CLVS1: variants seen among roughly 807,000 people sequenced by gnomAD.
The protein encoded by CLVS1 is clavesin 1, also known as clavesin-1.
Under a neutral mutation model 33.1 loss-of-function variants are expected in CLVS1, and 10 were observed. The ratio of observed to expected loss-of-function variants is 0.30; its 90% CI spans 0.19 to 0.51. CLVS1 has a LOEUF of 0.51. CLVS1 is among the 20% of genes least tolerant of loss of function. The pLI is 0.97. For missense variants in CLVS1, 343 were observed against 433.4 expected (o/e 0.79, Z 1.85); for synonymous variants, 163 against 166.1 (o/e 0.98, Z 0.14).
At chr8:61,036,682 A>C in the CLVS1 span, among the ~76,000 whole-genome samples, 4 of 152,184 alleles carry the variant, frequency 2.6e-5, no homozygotes, top group African/African-American at 9.7e-5. Flanking sequence ...AGTTCTAGCT[A>C]TGTGCTTTTA....
chr8:61,176,314 G>A (rs903905776), intron 2 of CLVS1, among the ~76,000 whole-genome samples: 1 of 152,076 alleles, frequency 6.6e-6, no homozygotes, highest in African/African-American at 2.4e-5. Flanking sequence ...CATTCCACCT[G>A]AGGCTTTCAT....
At position 61,446,444 on chromosome 8, in the gene CLVS1, G is replaced by C. The variant is rs555424216; in HGVS notation, c.631-7697G>C. 2.0e-5 allele frequency among the ~76,000 whole-genome samples: 3 copies of C among 152,268 alleles called. No individual in the cohort carries two copies. The East Asian group carries it at 5.8e-4, about 29-fold the overall frequency. ...GCATGTATTTCTTACCATTATGGAG[G>C]CTGAGAAGTCCAAAGTTGAGAGGTT... On this transcript the variant is annotated intron_variant, in intron 3 of 5. Coordinates refer to ENST00000325897, the MANE Select transcript of CLVS1 (RefSeq NM_173519.3).
chr8:61,220,772 T>C (rs10245137), intron 2 of CLVS1, among the ~76,000 whole-genome samples: 6 of 152,200 alleles, frequency 3.9e-5, no homozygotes, highest in Non-Finnish European at 8.8e-5. Context: ...TTTCATGATA[T>C]TGATTCTTCC....
At chr8:61,124,705 T>C (rs1026624313) in intron 1 of CLVS1, among the ~76,000 whole-genome samples, 1 of 152,194 alleles carries the variant, frequency 6.6e-6, no homozygotes, top group Non-Finnish European at 1.5e-5. Flanking sequence ...ATCCATCCAC[T>C]CATTCCTTTA....
the CLVS1 span, among the ~76,000 whole-genome samples, chr8:60,981,624 G>C: frequency 6.6e-6 from 1 of 152,222 alleles, no homozygotes; most frequent in Non-Finnish European, 1.5e-5. Flanking sequence ...GGTGTTCCCT[G>C]GTGGCTAAGA....
the CLVS1 span, among the ~76,000 whole-genome samples, chr8:60,988,776 T>A: frequency 1.3e-5 from 2 of 152,222 alleles, no homozygotes; most frequent in African/African-American, 4.8e-5. Context: ...GCCTTAAAAC[T>A]TGCCATAAAT....
intron 1 of CLVS1, among the ~76,000 whole-genome samples, chr8:61,105,284 G>A (rs1488610558): frequency 6.6e-6 from 1 of 152,126 alleles, no homozygotes; most frequent in Non-Finnish European, 1.5e-5. Flanking sequence ...AAAACTATTG[G>A]TTATAGCTTA....
chr8:61,198,506 A>G (rs966257970), intron 2 of CLVS1, among the ~76,000 whole-genome samples: 1 of 152,246 alleles, frequency 6.6e-6, no homozygotes, highest in Middle Eastern at 3.4e-3. Context: ...CAGCCTTCCA[A>G]GTAGCTGGGA....
the CLVS1 span, among the ~76,000 whole-genome samples, chr8:61,027,770 G>A: frequency 6.6e-6 from 1 of 152,030 alleles, no homozygotes; most frequent in African/African-American, 2.4e-5. Context: ...ACAAACATCT[G>A]CATTATTTTT....
At chr8:61,055,566 A>G (rs996746826), upstream of CLVS1, among the ~76,000 whole-genome samples, 5 of 152,236 alleles carry the variant, frequency 3.3e-5, no homozygotes, top group Admixed American at 2.0e-4. Context: ...TAAATCACAT[A>G]AAGCAAATGT....
At chr8:61,160,514 GAGA>G (rs1343990634) in intron 2 of CLVS1, among the ~76,000 whole-genome samples, 7 of 152,208 alleles carry the variant, frequency 4.6e-5, no homozygotes, top group African/African-American at 1.4e-4. Flanking sequence ...GGAAAAAGGA[GAGA>G]AGACTTGCTT....
At chr8:61,272,949 G>A (rs1366192626) in intron 2 of CLVS1, among the ~76,000 whole-genome samples, 45 of 148,996 alleles carry the variant, frequency 3.0e-4, no homozygotes, top group African/African-American at 3.9e-4. Context: ...ATGTCCTCCC[G>A]TAGCTCAGAG....
At chr8:61,480,979 G>A (rs1818170944) in intron 5 of CLVS1, among the ~76,000 whole-genome samples, 1 of 152,122 alleles carries the variant, frequency 6.6e-6, no homozygotes, top group African/African-American at 2.4e-5. Flanking sequence ...ATCCAGAGCT[G>A]GGATTTGATT....
At chr8:61,147,758 T>G (rs1236643546) in intron 2 of CLVS1, among the ~76,000 whole-genome samples, 1 of 152,230 alleles carries the variant, frequency 6.6e-6, no homozygotes, top group Non-Finnish European at 1.5e-5. Context: ...GAACTCAGCA[T>G]TAGATCAATG....
chr8:61,487,678 C>T (rs1255571465), intron 5 of CLVS1, among the ~76,000 whole-genome samples: 1 of 152,218 alleles, frequency 6.6e-6, no homozygotes, highest in Non-Finnish European at 1.5e-5. Flanking sequence ...CTGCACTGTT[C>T]CCCAAACCCC....
At chr8:61,458,184 C>A (rs1450419859) in intron 4 of CLVS1, 123 bp from the exon 5 acceptor site, 6 of 688,486 alleles carry the variant, frequency 8.7e-6, no homozygotes, top group East Asian at 2.6e-5. Context: ...ATCAATGCCT[C>A]TTTAAACACT....
intron 2 of CLVS1, among the ~76,000 whole-genome samples, chr8:61,151,089 C>T (rs1806524872): frequency 6.6e-6 from 1 of 152,144 alleles, no homozygotes; most frequent in Admixed American, 6.5e-5. Flanking sequence ...AATGCATGAG[C>T]TACCAGTGGC....
At chr8:61,268,157 C>A (rs1809351417) in intron 2 of CLVS1, among the ~76,000 whole-genome samples, 1 of 98,228 alleles carries the variant, frequency 1.0e-5, no homozygotes, top group African/African-American at 3.9e-5. Flanking sequence ...CCAGTGCTAT[C>A]CCACCCCCCT....
intron 2 of CLVS1, among the ~76,000 whole-genome samples, chr8:61,263,465 A>G (rs1809246916): frequency 6.6e-6 from 1 of 152,190 alleles, no homozygotes; most frequent in Admixed American, 6.5e-5. Flanking sequence ...TCCTTCAGCA[A>G]GTGTTGGAAG....
Sources: allele counts gnomAD v4.1 joint callset (sites outside exome capture counted in the v4.1 genomes callset), GRCh38; gene constraint gnomAD v4.1.1; transcripts MANE v1.5; gene names NCBI Gene and HGNC (gene_info 2026-07-23, HGNC 2026-07-21).